SHISA6: variants seen among roughly 807,000 people sequenced by gnomAD.
SHISA6 encodes the protein protein shisa-6.
In SHISA6, 22 loss-of-function variants were observed where a neutral mutation model predicts 47.9. The observed-to-expected ratio is 0.46, with a 90% CI of 0.33 to 0.66. SHISA6 has a LOEUF of 0.66. SHISA6 is among the 30% of genes least tolerant of loss of function. The probability of loss-of-function intolerance (pLI) is 0.02; values close to 1 mark genes in which losing one functional copy is unlikely to be tolerated. For missense variants in SHISA6, 680 were observed against 764.6 expected (o/e 0.89, Z 1.30); for synonymous variants, 388 against 337.8 (o/e 1.15, Z -1.63).
chr17:11,537,917 G>C (rs2071801158), intron 3 of SHISA6, among the ~76,000 whole-genome samples: 1 of 152,220 alleles, frequency 6.6e-6, no homozygotes, highest in Non-Finnish European at 1.5e-5. Context: ...GAATGAGACA[G>C]AGAAGAAGCA....
At chr17:11,295,790 C>T (rs1450955107) in intron 2 of SHISA6, among the ~76,000 whole-genome samples, 1 of 151,848 alleles carries the variant, frequency 6.6e-6, no homozygotes, top group African/African-American at 2.4e-5. Flanking sequence ...AGTGAAACCC[C>T]GTCTCTACTA....
chr17:11,241,851 C>A lies in SHISA6; in HGVS notation c.429C>A (p.Thr143=). 6.4e-7 allele frequency: 1 copy of A among 1,551,272 alleles called. No homozygotes were observed. Among genetic ancestry groups the A allele is most frequent in the South Asian group, 1.2e-5 (1 of 84,058 alleles). Residue 143 remains threonine, a synonymous_variant, in exon 1 of 6, where the codon ACC becomes ACA. Transcript: ENST00000441885. The surrounding 1 kb of genome is among the most constrained non-coding windows in gnomAD (Gnocchi z 5.5). ...AGAAGCTGGACCAGCGCCAGTGCAC[C>A]AACTACCAGAGCCCGGTGTGGGTAC... ...RHEKLDQRQC[T]NYQSPVWVQT...
At chr17:11,475,009 A>AT (rs1448478414) in intron 3 of SHISA6, among the ~76,000 whole-genome samples, 6 of 152,034 alleles carry the variant, frequency 3.9e-5, no homozygotes, top group Middle Eastern at 3.2e-3. Context: ...TATTTCTGTG[A>AT]TTTTTTTAAG....
At chr17:11,257,708 G>C (rs1908071777) in intron 1 of SHISA6, among the ~76,000 whole-genome samples, 2 of 151,258 alleles carry the variant, frequency 1.3e-5, no homozygotes, top group Non-Finnish European at 3.0e-5. Flanking sequence ...AAGAAGGAAG[G>C]CAGGAAGGGA....
At chr17:11,398,209 T>G (rs532770398) in intron 3 of SHISA6, among the ~76,000 whole-genome samples, 1 of 152,312 alleles carries the variant, frequency 6.6e-6, no homozygotes, top group Admixed American at 6.5e-5. Context: ...ATATGTTTAT[T>G]CATATTTTTA....
chr17:11,516,676 C>T (rs909397508), intron 3 of SHISA6, among the ~76,000 whole-genome samples: 1 of 152,134 alleles, frequency 6.6e-6, no homozygotes, highest in Non-Finnish European at 1.5e-5. Context: ...TCAATGGAGC[C>T]AGTAGAAGGC....
At chr17:11,359,270 T>A (rs55845204) in intron 2 of SHISA6, among the ~76,000 whole-genome samples, 17,191 of 152,264 alleles carry the variant, frequency 0.11, 1,015 homozygotes, top group East Asian at 0.19. Context: ...CATCTCATTT[T>A]TTCTTATTAA....
intron 3 of SHISA6, among the ~76,000 whole-genome samples, chr17:11,423,255 A>AAT (rs1555534324): frequency 9.0e-4 from 129 of 143,994 alleles, no homozygotes; most frequent in South Asian, 7.0e-3. Flanking sequence ...ATATATATAT[A>AAT]ATATATATAT....
intron 2 of SHISA6, among the ~76,000 whole-genome samples, chr17:11,332,039 C>T (rs1911137144): frequency 6.6e-6 from 1 of 150,582 alleles, no homozygotes; most frequent in Non-Finnish European, 1.5e-5. Flanking sequence ...TCCCTCCCTC[C>T]CCCTCGGACT....
chr17:11,280,899 A>T (rs1909093109), intron 2 of SHISA6, among the ~76,000 whole-genome samples: 1 of 152,224 alleles, frequency 6.6e-6, no homozygotes, highest in African/African-American at 2.4e-5. Context: ...TCTTGAGACA[A>T]CATCATGATA....
chr17:11,274,912 G>A (rs1477960186), intron 2 of SHISA6, among the ~76,000 whole-genome samples: 2 of 152,288 alleles, frequency 1.3e-5, no homozygotes, highest in South Asian at 2.1e-4. Flanking sequence ...TTGAATGGGC[G>A]AGGAGGAGAG....
intron 3 of SHISA6, among the ~76,000 whole-genome samples, chr17:11,546,151 CAT>C (rs2071881908): frequency 6.6e-6 from 1 of 152,320 alleles, no homozygotes; most frequent in East Asian, 1.9e-4. Context: ...TCCAAACACA[CAT>C]GACTGCCCAT....
chr17:11,301,194 C>T (rs1909915648), intron 2 of SHISA6, among the ~76,000 whole-genome samples: 1 of 152,062 alleles, frequency 6.6e-6, no homozygotes, highest in Admixed American at 6.6e-5. Context: ...TCCTCCCTAA[C>T]AGCCTATGAT....
chr17:11,295,239 ACC>A (rs1909707531), intron 2 of SHISA6, among the ~76,000 whole-genome samples: 1 of 152,238 alleles, frequency 6.6e-6, no homozygotes, highest in African/African-American at 2.4e-5. Flanking sequence ...ATAGGGGACT[ACC>A]ATATCAGTCT....
At position 11,363,214 on chromosome 17, in the gene SHISA6, T is replaced by G. The variant is rs980652496; in HGVS notation, c.800-16200T>G. 2.6e-5 allele frequency among the ~76,000 whole-genome samples: 4 copies of G among 152,054 alleles called. No individual in the cohort carries two copies. The East Asian group carries it at 7.7e-4, about 29-fold the overall frequency. On this transcript the variant is annotated intron_variant, in intron 2 of 5. Coordinates refer to ENST00000441885, the MANE Select transcript of SHISA6 (RefSeq NM_207386.4). ...CAGGGTACATTTCTTTTTTTTTTTT[T>G]TCCTAAGAAAACCTGCTGGCCTGTT... is the stretch of plus-strand genomic sequence containing the variant.
intron 2 of SHISA6, among the ~76,000 whole-genome samples, chr17:11,367,933 G>C (rs77788160): frequency 6.6e-6 from 1 of 152,152 alleles, no homozygotes; most frequent in African/African-American, 2.4e-5. Context: ...CTTGGGAAGA[G>C]GTGTGGTCCC....
intron 3 of SHISA6, among the ~76,000 whole-genome samples, chr17:11,386,776 T>G (rs1913209915): frequency 6.6e-6 from 1 of 152,082 alleles, no homozygotes; most frequent in South Asian, 2.1e-4. Flanking sequence ...CGGCCACAGG[T>G]GCAGGCAAGT....
intron 3 of SHISA6, among the ~76,000 whole-genome samples, chr17:11,397,023 G>A (rs527712031): frequency 6.6e-5 from 10 of 152,152 alleles, no homozygotes; most frequent in Non-Finnish European, 8.8e-5. Flanking sequence ...TGAAACCATC[G>A]GGGCCTAGAA....
In SHISA6 at chr17:11,291,029, C is replaced by T. The variant is rs1015361628; in HGVS notation, c.799+27503C>T. The stretch of plus-strand genomic sequence containing the variant: ...TAATAATTTATTAATAATTCAATTC[C>T]ATTAATTTATTAATAATAAATTATT... On this transcript the variant is annotated intron_variant, in intron 2 of 5. Coordinates refer to ENST00000441885, the MANE Select transcript of SHISA6 (RefSeq NM_207386.4). Among the ~76,000 whole-genome samples the T allele has an allele frequency of 2.0e-5, 3 of 150,908 alleles. No individual in the cohort carries two copies. In the East Asian group the frequency reaches 5.8e-4, roughly 29 times the overall value.
Sources: gnomAD v4.1 joint callset for allele counts (sites outside exome capture counted in the v4.1 genomes callset) on GRCh38, gnomAD v4.1.1 for gene constraint, Gnocchi (gnomAD v3.1) non-coding constraint, MANE v1.5 for transcripts, NCBI Gene and HGNC (gene_info 2026-07-23, HGNC 2026-07-21) for gene names.